The following TOX variants were observed in gnomAD, a reference collection of about 807,000 sequenced individuals.
The protein encoded by TOX is thymocyte selection associated high mobility group box, also known as thymocyte selection-associated high mobility group box protein TOX.
In TOX, 11 loss-of-function variants were observed where a neutral mutation model predicts 53.7. That is an observed-to-expected ratio of 0.20 (90% confidence interval 0.13 to 0.34). TOX has a LOEUF of 0.34. Ranked by LOEUF, TOX falls within the 10% of genes least tolerant of loss-of-function variation. The pLI, the probability that TOX is intolerant of heterozygous loss-of-function variation, is 1.00. For missense variants in TOX, 570 were observed against 664.6 expected (o/e 0.86, Z 1.56); for synonymous variants, 225 against 245.3 (o/e 0.92, Z 0.77).
chr8:59,063,425 AC>A (rs967986518), intron 1 of TOX, among the ~76,000 whole-genome samples: 2 of 140,214 alleles, frequency 1.4e-5, no homozygotes, highest in Non-Finnish European at 3.0e-5. Context: ...AAGGATATAG[AC>A]TTTTTTTTTT....
chr8:59,000,991 C>T (rs191711370), intron 1 of TOX, among the ~76,000 whole-genome samples: 1 of 152,040 alleles, frequency 6.6e-6, no homozygotes, highest in Non-Finnish European at 1.5e-5. Context: ...TCTAGTGTCT[C>T]CAACTAGAAA....
At chr8:58,847,699 T>C (rs1810740980) in intron 4 of TOX, among the ~76,000 whole-genome samples, 1 of 151,936 alleles carries the variant, frequency 6.6e-6, no homozygotes, top group African/African-American at 2.4e-5. Context: ...AACCCACACA[T>C]ATCACCATGA....
At chr8:59,002,082 A>C (rs1813699047) in intron 1 of TOX, among the ~76,000 whole-genome samples, 1 of 147,346 alleles carries the variant, frequency 6.8e-6, no homozygotes, top group Non-Finnish European at 1.5e-5. Flanking sequence ...TCAAGTAATT[A>C]TCCTGCTGTC....
At chr8:58,886,810 T>C (rs1307864125) in intron 3 of TOX, among the ~76,000 whole-genome samples, 14 of 151,922 alleles carry the variant, frequency 9.2e-5, no homozygotes. Context: ...CCTTTTATAT[T>C]TACTTTTATT....
chr8:58,897,152 G>A (rs891084944), intron 3 of TOX, among the ~76,000 whole-genome samples: 9 of 152,064 alleles, frequency 5.9e-5, no homozygotes, highest in Non-Finnish European at 1.3e-4. Flanking sequence ...TCCTAGCAAT[G>A]GAAAGTTCTA....
chr8:58,945,513 C>A (rs1357239569), intron 2 of TOX, among the ~76,000 whole-genome samples: 1 of 152,164 alleles, frequency 6.6e-6, no homozygotes, highest in African/African-American at 2.4e-5. Context: ...AAACTTCTCA[C>A]CTGATTCTGG....
intron 1 of TOX, among the ~76,000 whole-genome samples, chr8:59,056,085 A>G (rs1803883562): frequency 6.6e-6 from 1 of 152,188 alleles, no homozygotes; most frequent in South Asian, 2.1e-4. Context: ...TAAAAAATGA[A>G]TAATTTTAAA....
At chr8:59,045,041 C>T (rs1252992995) in intron 1 of TOX, among the ~76,000 whole-genome samples, 1 of 152,246 alleles carries the variant, frequency 6.6e-6, no homozygotes, top group African/African-American at 2.4e-5. Context: ...TCACCTTGTA[C>T]AGAATTGTTC....
intron 3 of TOX, among the ~76,000 whole-genome samples, chr8:58,918,853 A>G (rs1029007709): frequency 8.0e-5 from 12 of 149,736 alleles, no homozygotes; most frequent in African/African-American, 3.0e-4. Flanking sequence ...CAACTTCAGC[A>G]AAGTCTCAGG....
intron 1 of TOX, among the ~76,000 whole-genome samples, chr8:59,089,945 C>A (rs1374785331): frequency 6.6e-6 from 1 of 152,206 alleles, no homozygotes; most frequent in African/African-American, 2.4e-5. Context: ...GCTTTATGGC[C>A]AGCATTCTCC....
chr8:58,879,075 A>AAAC (rs1427345010), intron 3 of TOX, among the ~76,000 whole-genome samples: 4 of 150,758 alleles, frequency 2.7e-5, no homozygotes, highest in African/African-American at 9.8e-5. Context: ...AAAAAAAAAC[A>AAAC]AAAAAACTCA....
intron 1 of TOX, among the ~76,000 whole-genome samples, chr8:59,090,634 C>A (rs958744200): frequency 6.6e-6 from 1 of 152,172 alleles, no homozygotes; most frequent in Non-Finnish European, 1.5e-5. Context: ...AGGGTCCCTG[C>A]TCTCAGCTGG....
rs866534541 is a variant in TOX, at chr8:58,831,020, C to T, written c.925-4118G>A. 7.9e-5 allele frequency among the ~76,000 whole-genome samples: 12 copies of T among 152,140 alleles called. 1 individual carries two copies. The highest frequency in any genetic ancestry group is 3.4e-3 in the Middle Eastern group (1 of 294). The stretch of plus-strand genomic sequence containing the variant: ...CCATTTAACTTAATGGTTAAATGTC[C>T]ATCTTGTATAACTCGCTCAGCATTT... On this transcript the variant is annotated intron_variant, in intron 5 of 8. Transcript: ENST00000361421.
intron 1 of TOX, among the ~76,000 whole-genome samples, chr8:59,008,869 T>C (rs756887168): frequency 9.9e-5 from 15 of 152,196 alleles, no homozygotes; most frequent in Admixed American, 6.5e-4. Flanking sequence ...AATCAGCAGT[T>C]ACCCTTGATT....
At chr8:59,005,935 T>C (rs1392949419) in intron 1 of TOX, among the ~76,000 whole-genome samples, 1 of 152,234 alleles carries the variant, frequency 6.6e-6, no homozygotes, top group Non-Finnish European at 1.5e-5. Context: ...TAGAGCAGCA[T>C]GCTCCAGGGT....
chr8:58,995,838 C>T (rs897816682), intron 1 of TOX, among the ~76,000 whole-genome samples: 5 of 152,078 alleles, frequency 3.3e-5, no homozygotes, highest in Admixed American at 3.3e-4. Context: ...AATATCATTT[C>T]GATTACTTTG....
chr8:59,050,487 A>T (rs1803770616), intron 1 of TOX, among the ~76,000 whole-genome samples: 1 of 152,288 alleles, frequency 6.6e-6, no homozygotes, highest in South Asian at 2.1e-4. Context: ...CATCAGATTA[A>T]TGAATTAAGT....
At chr8:59,037,486 C>T (rs1360999596) in intron 1 of TOX, among the ~76,000 whole-genome samples, 1 of 152,050 alleles carries the variant, frequency 6.6e-6, no homozygotes, top group Non-Finnish European at 1.5e-5. Flanking sequence ...AATAAAACTG[C>T]TTTTTCTCCT....
intron 7 of TOX, among the ~76,000 whole-genome samples, chr8:58,810,453 A>G (rs1810057906): frequency 6.6e-6 from 1 of 151,918 alleles, no homozygotes; most frequent in Non-Finnish European, 1.5e-5. Context: ...CGATCCTTCC[A>G]CCTCAACCTC....
Sources: gnomAD v4.1 joint callset for allele counts (sites outside exome capture counted in the v4.1 genomes callset) on GRCh38, gnomAD v4.1.1 for gene constraint, MANE v1.5 for transcripts, NCBI Gene and HGNC (gene_info 2026-07-23, HGNC 2026-07-21) for gene names.